The following DAB1 variants were observed in gnomAD, a reference collection of about 807,000 sequenced individuals.
DAB1 encodes the protein disabled homolog 1.
DAB1 carries 15 observed loss-of-function variants against 64.6 expected under a neutral mutation model. The observed-to-expected ratio is 0.23, with a 90% CI of 0.16 to 0.36. The LOEUF (loss-of-function observed/expected upper bound fraction) is 0.36, where lower values mean the gene tolerates loss of function less well. Among genes scored for constraint, DAB1 ranks in the 10% least tolerant of loss-of-function variants. The pLI is 1.00. For synonymous variants in DAB1, 235 were observed against 251.9 expected (o/e 0.93, Z 0.64); for missense variants, 596 against 706.7 (o/e 0.84, Z 1.78).
At chr1:58,446,215 C>G (rs970428169) in intron 3 of DAB1, among the ~76,000 whole-genome samples, 1 of 152,180 alleles carries the variant, frequency 6.6e-6, no homozygotes, top group Non-Finnish European at 1.5e-5. Flanking sequence ...AAGCTTCAGG[C>G]AGGCATTGGC....
chr1:57,451,984 A>G (rs1686387368), intron 7 of DAB1, among the ~76,000 whole-genome samples: 1 of 151,960 alleles, frequency 6.6e-6, no homozygotes, highest in Non-Finnish European at 1.5e-5. Context: ...TTTTTCATTC[A>G]TTATTGCACG....
chr1:58,217,768 C>T (rs1046707437), intron 4 of DAB1, among the ~76,000 whole-genome samples: 1 of 152,108 alleles, frequency 6.6e-6, no homozygotes, highest in South Asian at 2.1e-4. Flanking sequence ...TTATAATATG[C>T]TTATTATGTA....
rs776395690 is a variant in DAB1, at chr1:58,506,041, T to A, written n.257+19A>T. 3.6e-6 allele frequency: 3 copies of A among 843,164 alleles called. No homozygotes were observed. In the African/African-American group the frequency reaches 4.9e-5, roughly 14 times the overall value. The allele number at this position is 843,164 out of a possible 1,614,324, so 52.2% of individuals were successfully genotyped here. ...GATACAGTAAAAATAATGTCCCGCC[T>A]TCTACGGTGTCAGCTCACCTGAGGT... On this transcript the variant is annotated intron_variant and non_coding_transcript_variant, in intron 3 of 20. Transcript: ENST00000485760.
chr1:58,181,679 C>T (rs1042842691), intron 4 of DAB1, among the ~76,000 whole-genome samples: 2 of 152,002 alleles, frequency 1.3e-5, no homozygotes, highest in African/African-American at 4.8e-5. Flanking sequence ...TACTAAGTTA[C>T]TTCTAATAAA....
At chr1:58,425,421 A>G (rs1249014500) in intron 3 of DAB1, among the ~76,000 whole-genome samples, 3 of 152,194 alleles carry the variant, frequency 2.0e-5, no homozygotes, top group African/African-American at 4.8e-5. Flanking sequence ...GCCTTCTCTT[A>G]GTATTTGCCT....
chr1:58,076,652 C>T (rs1191401489), intron 5 of DAB1, among the ~76,000 whole-genome samples: 1 of 152,224 alleles, frequency 6.6e-6, no homozygotes, highest in Non-Finnish European at 1.5e-5. Context: ...TCCAAGTCTT[C>T]TCATTCTAAA....
At chr1:57,880,462 C>T (rs1644127352) in intron 1 of DAB1, 2 of 152,178 alleles carry the variant, frequency 1.3e-5, no homozygotes, top group South Asian at 4.2e-4. Context: ...TCTTCTCACC[C>T]TATTAAAATC....
At chr1:58,474,648 C>A (rs11207237) in intron 3 of DAB1, among the ~76,000 whole-genome samples, 47,713 of 152,004 alleles carry the variant, frequency 0.31, 7,968 homozygotes, top group African/African-American at 0.43. Context: ...TGGTGTTGAG[C>A]GATGAGATCA....
At chr1:58,410,930 A>G (rs1644661461) in intron 3 of DAB1, among the ~76,000 whole-genome samples, 1 of 152,192 alleles carries the variant, frequency 6.6e-6, no homozygotes, top group Non-Finnish European at 1.5e-5. Flanking sequence ...TCCCCAAAGC[A>G]CAAGTGTGAC....
chr1:58,285,309 T>C (rs563424458), intron 4 of DAB1, among the ~76,000 whole-genome samples: 33 of 152,268 alleles, frequency 2.2e-4, no homozygotes, highest in East Asian at 1.2e-3. Flanking sequence ...GCCAGAGCAA[T>C]TGGGCAAGAG....
At chr1:57,746,201 G>A (rs2406277) in intron 6 of DAB1, among the ~76,000 whole-genome samples, 374 of 152,272 alleles carry the variant, frequency 2.5e-3, no homozygotes, top group Non-Finnish European at 4.0e-3. Flanking sequence ...ATACGTGTGT[G>A]TAAGTATAAA....
At chr1:57,544,460 T>C (rs1644835052) in intron 7 of DAB1, among the ~76,000 whole-genome samples, 1 of 152,228 alleles carries the variant, frequency 6.6e-6, no homozygotes, top group Admixed American at 6.5e-5. Flanking sequence ...GTCTAAGGCC[T>C]CTGTACTTTC....
At chr1:57,486,652 T>C (rs1171450930) in intron 7 of DAB1, among the ~76,000 whole-genome samples, 1 of 152,136 alleles carries the variant, frequency 6.6e-6, no homozygotes, top group Non-Finnish European at 1.5e-5. Context: ...GCTTCCCATC[T>C]TACCCTCCCC....
chr1:58,069,349 C>T (rs1330884231), intron 5 of DAB1, among the ~76,000 whole-genome samples: 3 of 152,096 alleles, frequency 2.0e-5, no homozygotes, highest in Admixed American at 1.3e-4. Context: ...ACCGAGGCAC[C>T]GTCCTCTAAA....
At chr1:58,252,715 C>A (rs954432791) in intron 4 of DAB1, among the ~76,000 whole-genome samples, 8 of 152,144 alleles carry the variant, frequency 5.3e-5, no homozygotes, top group Admixed American at 5.2e-4. Flanking sequence ...AGCTAAACCC[C>A]AGACAGGTGA....
At chr1:58,009,344 T>C (rs1646634434) in intron 5 of DAB1, among the ~76,000 whole-genome samples, 1 of 152,142 alleles carries the variant, frequency 6.6e-6, no homozygotes, top group Non-Finnish European at 1.5e-5. Context: ...ATCAGAAGTG[T>C]CCAGATAAAC....
intron 7 of DAB1, among the ~76,000 whole-genome samples, chr1:57,481,088 A>G (rs1288331833): frequency 6.6e-6 from 1 of 152,164 alleles, no homozygotes; most frequent in Non-Finnish European, 1.5e-5. Context: ...CACTACCAAG[A>G]TTAGTGGCTC....
At chr1:58,418,798 G>C (rs938988298) in intron 3 of DAB1, among the ~76,000 whole-genome samples, 3 of 152,110 alleles carry the variant, frequency 2.0e-5, no homozygotes, top group East Asian at 3.8e-4. Context: ...CTGAACATAA[G>C]TTGCAAGAGG....
intron 7 of DAB1, among the ~76,000 whole-genome samples, chr1:57,557,234 A>C (rs1357495564): frequency 6.6e-6 from 1 of 152,018 alleles, no homozygotes; most frequent in Non-Finnish European, 1.5e-5. Context: ...GAAAAGAGAG[A>C]CTGGCCTGGC....
Sources: allele counts gnomAD v4.1 joint callset (sites outside exome capture counted in the v4.1 genomes callset), GRCh38; gene constraint gnomAD v4.1.1; transcripts MANE v1.5; gene names NCBI Gene and HGNC (gene_info 2026-07-23, HGNC 2026-07-21).